Variants in HERC6 observed in about 807,000 individuals in gnomAD.
The protein encoded by HERC6 is probable E3 ubiquitin-protein ligase HERC6.
A neutral mutation model predicts 114.5 loss-of-function variants in HERC6; 101 were observed. That is an observed-to-expected ratio of 0.88 (90% confidence interval 0.75 to 1.04). The LOEUF (loss-of-function observed/expected upper bound fraction) is 1.04, where lower values mean the gene tolerates loss of function less well. Among genes scored for constraint, HERC6 ranks in the 50% least tolerant of loss-of-function variants. The pLI is 0.00. For synonymous variants in HERC6, 408 were observed against 436.2 expected (o/e 0.94, Z 0.81); for missense variants, 1,133 against 1,230.9 (o/e 0.92, Z 1.19).
Position 88,428,728 on chromosome 4 carries a change from C to T in HERC6, c.2084C>T (p.Thr695Ile). 6.3e-7 allele frequency: 1 copy of T among 1,578,990 alleles called. No homozygotes were observed. Among genetic ancestry groups the T allele is most frequent in the Non-Finnish European group, 8.6e-7 (1 of 1,164,962 alleles). The change falls in exon 16 of 23, where the codon ACT (threonine) becomes ATT (isoleucine). Residue 695 changes from threonine (T) to isoleucine (I), a missense_variant. Transcript: ENST00000264346. ...CGTCAATTAAGTCAAGCTGAAGCTA[C>T]TGACTTCTGCAAAGTATTAGTGGTA... The part of the protein sequence containing the change: ...ALRQLSQAEA[T>I]DFCKVLVVEF...
intron 7 of HERC6, 133 bp downstream of exon 7, chr4:88,397,120 A>T (rs564523220): frequency 2.3e-4 from 163 of 702,082 alleles, no homozygotes; most frequent in Middle Eastern, 4.2e-4. Flanking sequence ...TTATTTATTT[A>T]TTTTTTTTTG....
intron 4 of HERC6, among the ~76,000 whole-genome samples, chr4:88,392,353 G>A (rs910772183): frequency 2.0e-5 from 3 of 150,644 alleles, no homozygotes; most frequent in Non-Finnish European, 3.0e-5. Flanking sequence ...GGGTCTTGAA[G>A]CTTAGCTTTC....
At chr4:88,383,452 C>A (rs1201253011) in intron 2 of HERC6, 72 bp downstream of exon 2, 3 of 1,226,392 alleles carry the variant, frequency 2.4e-6, no homozygotes, top group African/African-American at 3.2e-5. Flanking sequence ...GTGCAAGATG[C>A]CAGGATACAA....
intron 13 of HERC6, among the ~76,000 whole-genome samples, chr4:88,422,104 T>C (rs1737126884): frequency 6.6e-6 from 1 of 152,328 alleles, no homozygotes; most frequent in East Asian, 1.9e-4. Flanking sequence ...ATTTTGATGA[T>C]AAATTCATCT....
At position 88,440,147 on chromosome 4, in the gene HERC6, G is replaced by A. The variant is rs748408021; in HGVS notation, c.2740-1G>A. 8 of 1,607,128 alleles carry A rather than the reference G, an allele frequency of 5.0e-6. No homozygotes were observed. The African/African-American group carries it at 9.4e-5, about 19-fold the overall frequency. ...TCATTTTTCTCCCTCTTTCTCTCAA[G>A]AATTCAAAGTATGAGCAAGGATACC... On this transcript the variant is annotated splice_acceptor_variant, in intron 21 of 22. Coordinates refer to ENST00000264346, the MANE Select transcript of HERC6 (RefSeq NM_017912.4). LOFTEE classifies it high-confidence loss of function.
At chr4:88,430,002 GA>G (rs1560569364) in intron 16 of HERC6, among the ~76,000 whole-genome samples, 1 of 152,138 alleles carries the variant, frequency 6.6e-6, no homozygotes, top group African/African-American at 2.4e-5. Context: ...TAAATGAGCA[GA>G]AATAGGAAAA....
chr4:88,409,136 C>T (rs1461930373), intron 11 of HERC6, among the ~76,000 whole-genome samples: 1 of 152,188 alleles, frequency 6.6e-6, no homozygotes, highest in Non-Finnish European at 1.5e-5. Context: ...GGGGAAGTTG[C>T]AAATCTTATG....
At chr4:88,397,719 A>G (rs1172812527) in intron 7 of HERC6, among the ~76,000 whole-genome samples, 2 of 152,046 alleles carry the variant, frequency 1.3e-5, no homozygotes, top group Non-Finnish European at 2.9e-5. Flanking sequence ...AATAAAAAAG[A>G]TTAAGGTAAT....
chr4:88,417,999 TACA>T (rs1337592324), intron 13 of HERC6, among the ~76,000 whole-genome samples: 2 of 149,438 alleles, frequency 1.3e-5, no homozygotes, highest in Admixed American at 1.3e-4. Flanking sequence ...TGTAACAACA[TACA>T]ACAACATGGA....
At chr4:88,394,078 C>T (rs1165960852) in intron 5 of HERC6, among the ~76,000 whole-genome samples, 1 of 152,150 alleles carries the variant, frequency 6.6e-6, no homozygotes, top group Non-Finnish European at 1.5e-5. Context: ...TCAGTGTACA[C>T]ATATCTAAAG....
Position 88,424,071 on chromosome 4 carries a change from G to T in HERC6, c.1827+98G>T. The T allele has an allele frequency of 5.0e-6, 3 of 605,366 alleles. No individual in the cohort carries two copies. In the South Asian group the frequency reaches 7.6e-5, roughly 15 times the overall value. 37.5% of individuals were successfully genotyped at this position (605,366 alleles called of 1,614,324 possible). A position where few individuals can be genotyped will look rare whatever the true frequency, so the allele number is the denominator to read the frequency against. On this transcript the variant is annotated intron_variant, in intron 14 of 22. Coordinates refer to ENST00000264346, the MANE Select transcript of HERC6 (RefSeq NM_017912.4). ...GGTACTCTTTGATAAATCAGGATTT[G>T]AAAATTTTTTAATTGCAATGATAAA...
chr4:88,405,138 A>G, intron 9 of HERC6, 141 bp downstream of exon 9: 1 of 1,000,088 alleles, frequency 1.0e-6, no homozygotes, highest in Non-Finnish European at 1.5e-6. Context: ...TCTTAGTGTG[A>G]CTAGGTCATC....
At chr4:88,433,076 A>C (rs1402302505) in intron 17 of HERC6, among the ~76,000 whole-genome samples, 1 of 152,204 alleles carries the variant, frequency 6.6e-6, no homozygotes, top group Non-Finnish European at 1.5e-5. Flanking sequence ...TGACAGAGCG[A>C]GACTCCATCT....
intron 17 of HERC6, among the ~76,000 whole-genome samples, chr4:88,434,038 A>G (rs1370725898): frequency 6.6e-6 from 1 of 152,248 alleles, no homozygotes; most frequent in Non-Finnish European, 1.5e-5. Context: ...TATTCAAATT[A>G]TTACATGACA....
intron 5 of HERC6, among the ~76,000 whole-genome samples, chr4:88,394,754 A>G (rs1215792810): frequency 6.6e-6 from 1 of 151,948 alleles, no homozygotes; most frequent in Non-Finnish European, 1.5e-5. Context: ...CATGTTGGCC[A>G]GGCTGGTATC....
At chr4:88,407,665 T>A (rs780887765) in intron 10 of HERC6, among the ~76,000 whole-genome samples, 1 of 152,012 alleles carries the variant, frequency 6.6e-6, no homozygotes, top group Non-Finnish European at 1.5e-5. Flanking sequence ...CCCACTTTGG[T>A]CTCCCAAAGT....
intron 3 of HERC6, among the ~76,000 whole-genome samples, chr4:88,386,420 G>A (rs1734587168): frequency 6.6e-6 from 1 of 151,942 alleles, no homozygotes; most frequent in Non-Finnish European, 1.5e-5. Flanking sequence ...TGGCCAGGCT[G>A]GTCTCGAACT....
In HERC6 at chr4:88,383,397, A is replaced by G. The variant is rs1286798266; in HGVS notation, c.359+17A>G. 1 of 1,466,582 alleles carries G rather than the reference A, an allele frequency of 6.8e-7. No individual in the cohort carries two copies. The highest frequency in any genetic ancestry group is 2.5e-5 in the East Asian group (1 of 40,156). 90.8% of individuals were successfully genotyped at this position (1,466,582 alleles called of 1,614,324 possible). ...CACACCTAAGTAAGTGTTTCAACCC[A>G]CTCCTTCATTTATTCAATATATATA... On this transcript the variant is annotated intron_variant, in intron 2 of 22. Transcript: ENST00000264346.
intron 11 of HERC6, among the ~76,000 whole-genome samples, chr4:88,411,002 T>C (rs908437729): frequency 1.3e-5 from 2 of 152,126 alleles, no homozygotes; most frequent in African/African-American, 4.8e-5. Context: ...TAAAAGAAGC[T>C]CCAAAAAGGC....
Sources: allele counts gnomAD v4.1 joint callset (sites outside exome capture counted in the v4.1 genomes callset), GRCh38; gene constraint gnomAD v4.1.1; transcripts MANE v1.5; gene names NCBI Gene and HGNC (gene_info 2026-07-23, HGNC 2026-07-21).